LRP1B: variants seen among roughly 807,000 people sequenced by gnomAD.
The protein encoded by LRP1B is LDL receptor related protein 1B.
Under a neutral mutation model 556.6 loss-of-function variants are expected in LRP1B, and 217 were observed. That is an observed-to-expected ratio of 0.39 (90% CI 0.35 to 0.44). The LOEUF is 0.44. LRP1B is among the 20% of genes least tolerant of loss of function. The pLI is 1.00. For missense variants in LRP1B, 5,053 were observed against 5,620.8 expected (o/e 0.90, Z 3.23); for synonymous variants, 2,047 against 1,865.8 (o/e 1.10, Z -2.50).
At chr2:141,820,997 A>G (rs1696733513) in intron 1 of LRP1B, among the ~76,000 whole-genome samples, 1 of 152,234 alleles carries the variant, frequency 6.6e-6, no homozygotes, top group Non-Finnish European at 1.5e-5. Context: ...TATCATCACA[A>G]GGGTGCTTGC....
At chr2:142,058,863 A>G (rs533384631) in intron 1 of LRP1B, among the ~76,000 whole-genome samples, 4 of 152,190 alleles carry the variant, frequency 2.6e-5, no homozygotes, top group Admixed American at 2.6e-4. Context: ...TCTATCTACA[A>G]ATTTCACTCT....
chr2:140,684,793 G>A (rs1685991015), intron 41 of LRP1B, among the ~76,000 whole-genome samples: 1 of 151,980 alleles, frequency 6.6e-6, no homozygotes, highest in South Asian at 2.1e-4. Flanking sequence ...CTCTATAATG[G>A]CATGCTAGCT....
chr2:140,483,567 T>C (rs1688326842), intron 59 of LRP1B, among the ~76,000 whole-genome samples: 1 of 145,110 alleles, frequency 6.9e-6, no homozygotes, highest in Non-Finnish European at 1.5e-5. Context: ...CTCAAATATA[T>C]ATATATATAT....
chr2:141,587,834 C>T (rs1687196936), intron 2 of LRP1B, among the ~76,000 whole-genome samples: 1 of 151,980 alleles, frequency 6.6e-6, no homozygotes, highest in African/African-American at 2.4e-5. Context: ...AAATAAAAAA[C>T]AATACAAGTA....
chr2:141,786,183 A>C (rs1377161160), intron 2 of LRP1B, among the ~76,000 whole-genome samples: 1 of 152,024 alleles, frequency 6.6e-6, no homozygotes, highest in Non-Finnish European at 1.5e-5. Flanking sequence ...TGGTATAAAT[A>C]AGTGGCACTT....
intron 2 of LRP1B, among the ~76,000 whole-genome samples, chr2:141,739,334 AAAC>A (rs1260715676): frequency 6.6e-6 from 1 of 152,282 alleles, no homozygotes; most frequent in East Asian, 1.9e-4. Context: ...CTGAAAAACC[AAAC>A]AATACTTAAA....
At chr2:140,757,570 CA>C (rs770219298) in intron 35 of LRP1B, among the ~76,000 whole-genome samples, 2 of 152,184 alleles carry the variant, frequency 1.3e-5, no homozygotes, top group Non-Finnish European at 2.9e-5. Context: ...AAAATGTCCA[CA>C]GTAGGCTAGT....
chr2:141,793,573 G>A (rs1277411940), intron 2 of LRP1B, among the ~76,000 whole-genome samples: 1 of 151,850 alleles, frequency 6.6e-6, no homozygotes, highest in Non-Finnish European at 1.5e-5. Flanking sequence ...AATTAATGCT[G>A]CCAAATTTCC....
intron 7 of LRP1B, among the ~76,000 whole-genome samples, chr2:141,130,162 C>T (rs1366367595): frequency 6.7e-6 from 1 of 149,846 alleles, no homozygotes; most frequent in Non-Finnish European, 1.5e-5. Context: ...AATAAATCTT[C>T]AGGGAAAAGA....
At chr2:141,105,682 G>A (rs778399796) in intron 7 of LRP1B, among the ~76,000 whole-genome samples, 55 of 150,642 alleles carry the variant, frequency 3.7e-4, no homozygotes, top group Non-Finnish European at 6.8e-4. Flanking sequence ...TTTATTCTCT[G>A]AAACAATTGT....
chr2:140,405,590 G>C (rs900271321), intron 66 of LRP1B, among the ~76,000 whole-genome samples: 1 of 152,100 alleles, frequency 6.6e-6, no homozygotes, highest in Admixed American at 6.6e-5. Context: ...ATAGAAACTA[G>C]AAAATCTAGA....
chr2:142,035,722 C>T (rs1703853516), intron 1 of LRP1B, among the ~76,000 whole-genome samples: 1 of 151,540 alleles, frequency 6.6e-6, no homozygotes, highest in Non-Finnish European at 1.5e-5. Context: ...ACCCACAAAC[C>T]AATCTCAACT....
chr2:141,812,493 AG>A, intron 1 of LRP1B, among the ~76,000 whole-genome samples: 1 of 152,002 alleles, frequency 6.6e-6, no homozygotes, highest in East Asian at 1.9e-4. Flanking sequence ...TTATGTGGAG[AG>A]GGGAAATGTC....
intron 14 of LRP1B, among the ~76,000 whole-genome samples, chr2:141,008,859 T>C (rs1697655630): frequency 6.6e-6 from 1 of 151,924 alleles, no homozygotes; most frequent in Admixed American, 6.6e-5. Context: ...TGTGGATAGA[T>C]ACAACTTCCA....
chr2:140,654,554 T>C (rs995694309), intron 41 of LRP1B, among the ~76,000 whole-genome samples: 6 of 152,172 alleles, frequency 3.9e-5, no homozygotes, highest in African/African-American at 1.2e-4. Context: ...CTGTACACTT[T>C]TTAAAATGCT....
intron 40 of LRP1B, 141 bp from the exon 41 acceptor site, chr2:140,700,762 A>C (rs1240030961): frequency 2.3e-6 from 2 of 883,548 alleles, no homozygotes; most frequent in East Asian, 5.5e-5. Flanking sequence ...GTCAATAAAA[A>C]ATTAAAAAAG....
intron 1 of LRP1B, among the ~76,000 whole-genome samples, chr2:142,125,702 A>T (rs1351886623): frequency 1.3e-5 from 2 of 151,858 alleles, no homozygotes; most frequent in East Asian, 3.8e-4. Flanking sequence ...GTCTCTAGAC[A>T]ATGGTTTGTG....
chr2:140,832,878 T>TAGAAG (rs70988446), intron 31 of LRP1B, among the ~76,000 whole-genome samples: 149,534 of 152,156 alleles, frequency 0.98, 73,540 homozygotes, highest in Middle Eastern at 1. Context: ...TCAAAATAGC[T>TAGAAG]AGAAGAGATG....
chr2:140,896,179 T>C (rs1300130861), intron 23 of LRP1B, among the ~76,000 whole-genome samples: 1 of 152,058 alleles, frequency 6.6e-6, no homozygotes, highest in Non-Finnish European at 1.5e-5. Flanking sequence ...AATTGAATTA[T>C]AATTATTAAT....
Sources: gnomAD v4.1 joint callset for allele counts (sites outside exome capture counted in the v4.1 genomes callset) on GRCh38, gnomAD v4.1.1 for gene constraint, MANE v1.5 for transcripts, NCBI Gene and HGNC (gene_info 2026-07-23, HGNC 2026-07-21) for gene names.